Variants in AGBL4 observed in about 807,000 individuals in gnomAD.
AGBL4 encodes the protein AGBL carboxypeptidase 4.
A neutral mutation model predicts 66.4 loss-of-function variants in AGBL4; 58 were observed. The ratio of observed to expected loss-of-function variants is 0.87; its 90% CI spans 0.71 to 1.09. The LOEUF (loss-of-function observed/expected upper bound fraction) is 1.09. Among genes scored for constraint, AGBL4 ranks in the 50% least tolerant of loss-of-function variants. The pLI is 0.00. For synonymous variants in AGBL4, 234 were observed against 222.9 expected (o/e 1.05, Z -0.44); for missense variants, 579 against 631.0 (o/e 0.92, Z 0.88).
At chr1:48,722,978 C>T (rs773801890) in intron 6 of AGBL4, among the ~76,000 whole-genome samples, 71 of 152,218 alleles carry the variant, frequency 4.7e-4, no homozygotes, top group Admixed American at 2.6e-3. Context: ...TTACTATTCC[C>T]GTTATTAAAA....
At chr1:49,486,055 G>A (rs1647059139) in intron 3 of AGBL4, among the ~76,000 whole-genome samples, 1 of 151,958 alleles carries the variant, frequency 6.6e-6, no homozygotes. Flanking sequence ...TGCTATTAGA[G>A]ATGCTCAAAG....
rs191910598 is a variant in AGBL4, at chr1:49,839,661, G to A, written c.157+11735C>T. Among the ~76,000 whole-genome samples, 8 of 152,274 alleles carry A rather than the reference G, an allele frequency of 5.3e-5. No homozygotes were observed. In the East Asian group the frequency reaches 1.5e-3, roughly 29 times the overall value. On this transcript the variant is annotated intron_variant, in intron 2 of 13. Coordinates refer to ENST00000371839, the MANE Select transcript of AGBL4 (RefSeq NM_032785.4). ...GTGGAGCATGGACCAGAGAGAGGTGGAGTAGTTAGAAAGCTGTTGTACAAG... is the reference window on the plus strand; with the variant it reads ...GTGGAGCATGGACCAGAGAGAGGTGAAGTAGTTAGAAAGCTGTTGTACAAG...
intron 2 of AGBL4, among the ~76,000 whole-genome samples, chr1:49,736,831 C>T (rs554156120): frequency 6.6e-6 from 1 of 151,316 alleles, no homozygotes; most frequent in African/African-American, 2.4e-5. Context: ...AAAAAAAAAA[C>T]TTCATTAAGA....
At chr1:48,990,416 T>C (rs1015332150) in intron 5 of AGBL4, among the ~76,000 whole-genome samples, 2 of 152,282 alleles carry the variant, frequency 1.3e-5, no homozygotes, top group East Asian at 1.9e-4. Context: ...CCAGTTTTGC[T>C]TTGGTTGCTT....
chr1:48,902,168 C>G (rs774705709), intron 5 of AGBL4, among the ~76,000 whole-genome samples: 17 of 152,196 alleles, frequency 1.1e-4, no homozygotes, highest in Non-Finnish European at 2.4e-4. Flanking sequence ...TGGGTGGGGA[C>G]ACAGCCAAAC....
At chr1:49,837,739 G>A (rs906349003) in intron 2 of AGBL4, among the ~76,000 whole-genome samples, 1 of 152,302 alleles carries the variant, frequency 6.6e-6, no homozygotes, top group South Asian at 2.1e-4. Context: ...CAGCTACTCG[G>A]GAGGCTGAGG....
chr1:49,579,258 AG>A (rs1368705303), intron 3 of AGBL4, among the ~76,000 whole-genome samples: 1 of 152,152 alleles, frequency 6.6e-6, no homozygotes, highest in East Asian at 1.9e-4. Flanking sequence ...CTCTCCTATT[AG>A]TTCTGTTCCT....
At chr1:50,014,090 A>G (rs913407375) in intron 1 of AGBL4, among the ~76,000 whole-genome samples, 1 of 152,156 alleles carries the variant, frequency 6.6e-6, no homozygotes, top group Non-Finnish European at 1.5e-5. Flanking sequence ...GAGGTTTTAA[A>G]GGCCAGGTGT....
At chr1:49,353,249 G>T (rs1348680810) in intron 3 of AGBL4, among the ~76,000 whole-genome samples, 1 of 152,034 alleles carries the variant, frequency 6.6e-6, no homozygotes, top group Non-Finnish European at 1.5e-5. Context: ...GTAAAATAAG[G>T]GGTAGCACTA....
intron 2 of AGBL4, chr1:49,845,254 C>A: frequency 6.4e-7 from 1 of 1,555,502 alleles, no homozygotes; most frequent in Non-Finnish European, 8.8e-7. Context: ...TAAATGCACT[C>A]AGTGTGAGGG....
At chr1:49,984,917 A>G (rs1213946706) in intron 1 of AGBL4, among the ~76,000 whole-genome samples, 5 of 152,244 alleles carry the variant, frequency 3.3e-5, no homozygotes, top group African/African-American at 1.2e-4. Context: ...ATAGATTGAG[A>G]GAAAAGAGTT....
chr1:49,273,305 T>C (rs1033735360), intron 3 of AGBL4, among the ~76,000 whole-genome samples: 9 of 152,006 alleles, frequency 5.9e-5, no homozygotes, highest in African/African-American at 1.7e-4. Context: ...ATAAGTAATA[T>C]ACATAATAAT....
chr1:48,591,116 C>T, intron 9 of AGBL4, 131 bp from the exon 10 acceptor site: 1 of 758,402 alleles, frequency 1.3e-6, no homozygotes, highest in Non-Finnish European at 2.0e-6. Flanking sequence ...ACACACACAT[C>T]AAGCTGACCC....
chr1:48,837,354 T>C (rs1456383862), intron 6 of AGBL4, among the ~76,000 whole-genome samples: 1 of 151,986 alleles, frequency 6.6e-6, no homozygotes, highest in Non-Finnish European at 1.5e-5. Context: ...ATGCAAAGTA[T>C]TGATTCTGGG....
At chr1:49,091,056 C>G (rs984197393) in intron 4 of AGBL4, among the ~76,000 whole-genome samples, 2 of 152,092 alleles carry the variant, frequency 1.3e-5, no homozygotes, top group Admixed American at 6.6e-5. Context: ...GAAGCTGGAC[C>G]TCTTCCTTAC....
intron 9 of AGBL4, among the ~76,000 whole-genome samples, chr1:48,615,897 C>A (rs1645310531): frequency 6.6e-6 from 1 of 152,106 alleles, no homozygotes; most frequent in Admixed American, 6.5e-5. Context: ...GAGGACCTGG[C>A]ATTTGCTTCC....
At chr1:48,632,764 A>C (rs1222650255) in intron 9 of AGBL4, among the ~76,000 whole-genome samples, 1 of 152,234 alleles carries the variant, frequency 6.6e-6, no homozygotes, top group African/African-American at 2.4e-5. Context: ...AAAATGTAGG[A>C]GCTTGTTCTC....
intron 6 of AGBL4, among the ~76,000 whole-genome samples, chr1:48,667,439 T>C (rs1467034010): frequency 6.6e-6 from 1 of 152,174 alleles, no homozygotes; most frequent in Non-Finnish European, 1.5e-5. Flanking sequence ...TGTGAGTGCA[T>C]TTGGAAGAGG....
chr1:49,628,887 G>A (rs1645515493), intron 3 of AGBL4, among the ~76,000 whole-genome samples: 2 of 152,116 alleles, frequency 1.3e-5, no homozygotes, highest in Admixed American at 1.3e-4. Context: ...CTATGTTCCC[G>A]AGGCCTTCTT....
Sources: gnomAD v4.1 joint callset for allele counts (sites outside exome capture counted in the v4.1 genomes callset) on GRCh38, gnomAD v4.1.1 for gene constraint, MANE v1.5 for transcripts, NCBI Gene and HGNC (gene_info 2026-07-23, HGNC 2026-07-21) for gene names.